Variants in MTDH observed in about 807,000 individuals in gnomAD.
MTDH encodes protein LYRIC.
MTDH carries 34 observed loss-of-function variants against 72.7 expected under a neutral mutation model. The observed-to-expected ratio is 0.47, with a 90% CI of 0.36 to 0.62. The LOEUF (loss-of-function observed/expected upper bound fraction) is 0.62. Ranked by LOEUF, MTDH falls within the 20% of genes least tolerant of loss-of-function variation. MTDH has a pLI of 0.00. For synonymous variants in MTDH, 266 were observed against 268.9 expected (o/e 0.99, Z 0.10); for missense variants, 677 against 699.4 (o/e 0.97, Z 0.36).
intron 10 of MTDH, among the ~76,000 whole-genome samples, chr8:97,719,492 CAA>C (rs11383714): frequency 1.4e-4 from 11 of 79,928 alleles, no homozygotes; most frequent in Admixed American, 1.2e-4. Flanking sequence ...GACACTGTCT[CAA>C]AAAAAAAAAA....
chr8:97,718,526 G>T (rs866901602), intron 9 of MTDH, among the ~76,000 whole-genome samples: 32 of 143,874 alleles, frequency 2.2e-4, no homozygotes, highest in African/African-American at 5.1e-4. Flanking sequence ...TGTTTTTTTT[G>T]TTTTTTTTTT....
At chr8:97,715,172 G>A (rs996166238) in intron 9 of MTDH, among the ~76,000 whole-genome samples, 8 of 150,244 alleles carry the variant, frequency 5.3e-5, no homozygotes, top group Admixed American at 1.3e-4. Flanking sequence ...CTGTCACCCC[G>A]GCTGGAGTGC....
At chr8:97,680,583 C>G (rs1408863058) in intron 2 of MTDH, among the ~76,000 whole-genome samples, 1 of 152,140 alleles carries the variant, frequency 6.6e-6, no homozygotes, top group Non-Finnish European at 1.5e-5. Flanking sequence ...TGGGACTATA[C>G]TATAGCCTAC....
At chr8:97,684,369 G>A (rs1000512463) in intron 2 of MTDH, among the ~76,000 whole-genome samples, 1 of 151,962 alleles carries the variant, frequency 6.6e-6, no homozygotes, top group Admixed American at 6.6e-5. Context: ...TATATATGTG[G>A]TTTGCATTAT....
chr8:97,683,326 G>A (rs1039858359), intron 2 of MTDH, among the ~76,000 whole-genome samples: 12 of 151,632 alleles, frequency 7.9e-5, no homozygotes, highest in African/African-American at 2.7e-4. Flanking sequence ...GCCTCCCAAA[G>A]TGCTGGGGTT....
chr8:97,730,255 C>A lies in MTDH; in HGVS notation c.*5585C>A, dbSNP rs1013187867. ...CATAATAAAATGAACACATCTGAAA[C>A]CACCATTCTGCTCAAGAAATATAAC... On this transcript the variant is annotated 3_prime_UTR_variant, in exon 12 of 12. Transcript: ENST00000336273. 6.6e-6 allele frequency among the ~76,000 whole-genome samples: 1 copy of A among 152,134 alleles called. No individual in the cohort carries two copies. Among genetic ancestry groups the A allele is most frequent in the Non-Finnish European group, 1.5e-5 (1 of 68,024 alleles).
At chr8:97,700,585 C>T (rs933311659) in intron 7 of MTDH, among the ~76,000 whole-genome samples, 5 of 152,126 alleles carry the variant, frequency 3.3e-5, no homozygotes, top group Non-Finnish European at 7.3e-5. Flanking sequence ...CATAGGTGTT[C>T]GGTGGTAATA....
intron 6 of MTDH, among the ~76,000 whole-genome samples, chr8:97,693,385 G>A (rs1194151429): frequency 1.3e-5 from 2 of 152,242 alleles, no homozygotes; most frequent in Admixed American, 6.5e-5. Context: ...CGCCCAGGCT[G>A]GAGTGCAGTG....
At chr8:97,713,359 A>G (rs1814714034) in intron 8 of MTDH, among the ~76,000 whole-genome samples, 1 of 152,174 alleles carries the variant, frequency 6.6e-6, no homozygotes, top group African/African-American at 2.4e-5. Flanking sequence ...TGCTGGGATT[A>G]CAGGCATGAA....
At chr8:97,700,088 A>G (rs567357957) in intron 7 of MTDH, among the ~76,000 whole-genome samples, 24 of 152,168 alleles carry the variant, frequency 1.6e-4, no homozygotes, top group Non-Finnish European at 2.8e-4. Flanking sequence ...GTTGCTCTGT[A>G]GTATTTCTAG....
chr8:97,705,384 G>A (rs890008377), intron 7 of MTDH, among the ~76,000 whole-genome samples: 8 of 151,458 alleles, frequency 5.3e-5, no homozygotes, highest in African/African-American at 1.9e-4. Context: ...GGCAGATCAC[G>A]AGATCAAGAG....
Position 97,644,884 on chromosome 8 carries a change from C to T in MTDH, c.378C>T (p.Pro126=). The change falls in exon 1 of 12, where the codon CCC becomes CCT. Residue 126 remains proline (P), a synonymous_variant. Transcript: ENST00000336273. ...KKNRKKLSEK[P]KPNGRTVEVA... is the part of the protein sequence containing the mutation. Reference sequence around the variant, plus strand: ...ACCGGAAGAAACTGTCCGAGAAGCCCAAAGTGAGTATGGGATGAGCGGCAG... The same window carrying T: ...ACCGGAAGAAACTGTCCGAGAAGCCTAAAGTGAGTATGGGATGAGCGGCAG... 1 of 1,549,996 alleles carries T rather than the reference C, an allele frequency of 6.5e-7. No individual in the cohort carries two copies. Among genetic ancestry groups the T allele is most frequent in the Non-Finnish European group, 8.6e-7 (1 of 1,159,586 alleles).
chr8:97,661,908 G>A (rs1812183566), intron 2 of MTDH, among the ~76,000 whole-genome samples: 1 of 135,422 alleles, frequency 7.4e-6, no homozygotes, highest in Non-Finnish European at 1.5e-5. Flanking sequence ...GGGCACCCGA[G>A]ACCCTGTCTC....
chr8:97,646,611 C>T (rs964150452), intron 1 of MTDH, among the ~76,000 whole-genome samples: 1 of 152,120 alleles, frequency 6.6e-6, no homozygotes, highest in African/African-American at 2.4e-5. Flanking sequence ...AGAACCCATC[C>T]GACATGCGTT....
intron 2 of MTDH, among the ~76,000 whole-genome samples, chr8:97,662,733 C>G (rs1224158114): frequency 6.6e-6 from 1 of 151,070 alleles, no homozygotes; most frequent in African/African-American, 2.4e-5. Context: ...TTGCAGTAAG[C>G]AGGGATTGCG....
At chr8:97,711,579 C>A (rs1814638526) in intron 8 of MTDH, among the ~76,000 whole-genome samples, 1 of 152,074 alleles carries the variant, frequency 6.6e-6, no homozygotes, top group Non-Finnish European at 1.5e-5. Flanking sequence ...TGTTAAAAAA[C>A]CATAATACTG....
At chr8:97,714,805 A>G (rs1814790171) in intron 9 of MTDH, among the ~76,000 whole-genome samples, 1 of 151,772 alleles carries the variant, frequency 6.6e-6, no homozygotes, top group Non-Finnish European at 1.5e-5. Context: ...AATTTTTCCT[A>G]CTTATTGTTC....
intron 1 of MTDH, among the ~76,000 whole-genome samples, chr8:97,645,578 C>T (rs769050596): frequency 2.2e-4 from 34 of 152,110 alleles, no homozygotes; most frequent in Non-Finnish European, 4.4e-4. Flanking sequence ...GAGTCTGTTG[C>T]ACACTCTGTG....
rs1563580587 is a variant in MTDH at position 97,729,800 on chromosome 8, T to C, written c.*5130T>C. Among the ~76,000 whole-genome samples, 1 of 152,148 alleles carries C rather than the reference T, an allele frequency of 6.6e-6. No homozygotes were observed. Among genetic ancestry groups the C allele is most frequent in the Non-Finnish European group, 1.5e-5 (1 of 68,036 alleles). ...ACCACTGTGCCCAGTCTATATATAA[T>C]AGATTTTAGAAGAAATTTCTGCCAC... On this transcript the variant is annotated 3_prime_UTR_variant, in exon 12 of 12. Transcript: ENST00000336273.
Sources: allele counts gnomAD v4.1 joint callset (sites outside exome capture counted in the v4.1 genomes callset), GRCh38; gene constraint gnomAD v4.1.1; transcripts MANE v1.5; gene names NCBI Gene and HGNC (gene_info 2026-07-23, HGNC 2026-07-21).